Variants in TDRD5 observed in about 807,000 individuals in gnomAD.
The protein encoded by TDRD5 is tudor domain containing 5, also known as tudor domain-containing protein 5.
In TDRD5, 41 loss-of-function variants were observed where a neutral mutation model predicts 120.6. The ratio of observed to expected loss-of-function variants is 0.34; its 90% CI spans 0.26 to 0.44. TDRD5 has a LOEUF of 0.44. Ranked by LOEUF, TDRD5 falls within the 20% of genes least tolerant of loss-of-function variation. The pLI is 1.00. For synonymous variants in TDRD5, 430 were observed against 433.7 expected (o/e 0.99, Z 0.11); for missense variants, 1,006 against 1,221.2 (o/e 0.82, Z 2.63).
At chr1:179,654,725 G>A (rs936081290) in intron 14 of TDRD5, among the ~76,000 whole-genome samples, 1 of 152,198 alleles carries the variant, frequency 6.6e-6, no homozygotes, top group Admixed American at 6.5e-5. Flanking sequence ...CTGAGATCGT[G>A]CCACTGTACT....
At chr1:179,595,915 T>C in intron 4 of TDRD5, 97 bp downstream of exon 4, 1 of 1,232,578 alleles carries the variant, frequency 8.1e-7, no homozygotes, top group Non-Finnish European at 1.1e-6. Flanking sequence ...TTTTAAAAAC[T>C]GAAGTCATTC....
At chr1:179,620,642 A>C (rs1296089722) in intron 5 of TDRD5, among the ~76,000 whole-genome samples, 1 of 152,144 alleles carries the variant, frequency 6.6e-6, no homozygotes, top group African/African-American at 2.4e-5. Context: ...ATTTTTGCTT[A>C]ACTGTATTTT....
At chr1:179,656,316 A>C (rs756720604) in intron 14 of TDRD5, among the ~76,000 whole-genome samples, 4 of 152,094 alleles carry the variant, frequency 2.6e-5, no homozygotes, top group African/African-American at 9.7e-5. Context: ...AGTTCTTTAT[A>C]TATTCAGGAT....
intron 17 of TDRD5, among the ~76,000 whole-genome samples, chr1:179,687,614 C>T (rs925427907): frequency 3.3e-5 from 5 of 152,088 alleles, no homozygotes; most frequent in African/African-American, 1.2e-4. Context: ...CTTTCTGTCT[C>T]ATTGATCTGT....
At chr1:179,661,110 C>A (rs963851869) in intron 14 of TDRD5, among the ~76,000 whole-genome samples, 2 of 151,990 alleles carry the variant, frequency 1.3e-5, no homozygotes, top group South Asian at 2.1e-4. Context: ...CAAGATAGTT[C>A]TTTGTCTTTA....
intron 7 of TDRD5, among the ~76,000 whole-genome samples, chr1:179,633,671 A>G (rs1259499325): frequency 1.3e-5 from 2 of 151,974 alleles, no homozygotes; most frequent in Non-Finnish European, 2.9e-5. Flanking sequence ...TTAATGTGCC[A>G]ACCTCTTGTA....
At chr1:179,672,356 C>G (rs1234632071) in intron 17 of TDRD5, among the ~76,000 whole-genome samples, 4 of 152,064 alleles carry the variant, frequency 2.6e-5, no homozygotes, top group Non-Finnish European at 4.4e-5. Flanking sequence ...TTGCATTTCC[C>G]TGATAATTAG....
intron 6 of TDRD5, among the ~76,000 whole-genome samples, chr1:179,624,229 C>T (rs188356397): frequency 6.6e-6 from 1 of 152,072 alleles, no homozygotes; most frequent in African/African-American, 2.4e-5. Flanking sequence ...AAATTTAATA[C>T]CCATCCACAA....
At chr1:179,593,418 A>G (rs1020603093) in intron 2 of TDRD5, 42 bp from the exon 3 acceptor site, 1 of 1,577,098 alleles carries the variant, frequency 6.3e-7, no homozygotes, top group Non-Finnish European at 8.6e-7. Context: ...AGAAGGGAGT[A>G]AGTTTTCCTC....
At chr1:179,652,367 C>A (rs1678769451) in intron 13 of TDRD5, among the ~76,000 whole-genome samples, 170 bp downstream of exon 13, 1 of 152,058 alleles carries the variant, frequency 6.6e-6, no homozygotes, top group African/African-American at 2.4e-5. Context: ...TTCAGTCATG[C>A]CTCTTCCTGA....
At chr1:179,602,129 T>G (rs911074570) in intron 4 of TDRD5, among the ~76,000 whole-genome samples, 3 of 152,186 alleles carry the variant, frequency 2.0e-5, no homozygotes, top group African/African-American at 7.2e-5. Context: ...TTAAGGAATC[T>G]CCACAGTGTT....
chr1:179,632,630 C>T (rs1383237806), intron 7 of TDRD5, among the ~76,000 whole-genome samples: 2 of 152,076 alleles, frequency 1.3e-5, no homozygotes, highest in African/African-American at 2.4e-5. Context: ...ACAAAAGCTG[C>T]ACATGCTTGT....
chr1:179,651,899 C>T (rs757311035), intron 12 of TDRD5, 140 bp from the exon 13 acceptor site: 16 of 952,384 alleles, frequency 1.7e-5, no homozygotes, highest in Admixed American at 5.7e-5. Context: ...GGCAACAGAG[C>T]GAGACTCCAT....
In TDRD5 at chr1:179,634,587, G is replaced by A. The variant is rs533434778; in HGVS notation, c.1257G>A (p.Lys419=). The A allele has an allele frequency of 1.1e-5, 18 of 1,613,894 alleles. No individual in the cohort carries two copies. The African/African-American group carries it at 2.3e-4, about 20-fold the overall frequency. Residue 419 remains lysine (K), a synonymous_variant, in exon 8 of 18, where the codon AAG becomes AAA. Coordinates refer to ENST00000444136, the MANE Select transcript of TDRD5 (RefSeq NM_001199085.3). Reference sequence around the variant, plus strand: ...AAAAACAAAAAGAGCCACAACAGAAGATTTGCAAGAAGCCTAATCTGGTGG... The same window carrying A: ...AAAAACAAAAAGAGCCACAACAGAAAATTTGCAAGAAGCCTAATCTGGTGG... ...PSKKQKEPQQ[K]ICKKPNLVVK...
At chr1:179,603,932 G>T (rs1675841632) in intron 4 of TDRD5, among the ~76,000 whole-genome samples, 1 of 152,088 alleles carries the variant, frequency 6.6e-6, no homozygotes, top group Non-Finnish European at 1.5e-5. Flanking sequence ...CTAGCTTGTG[G>T]AATAGTGTCA....
chr1:179,619,908 A>AT lies in TDRD5; in HGVS notation c.916-1120dup, dbSNP rs905388877. ...GGCTGGGATTACAAGAGTGAATATG[A>AT]TTTTTTTGTGGTACCAAAAATTGGA... On this transcript the variant is annotated intron_variant, in intron 5 of 17. Coordinates refer to ENST00000444136, the MANE Select transcript of TDRD5 (RefSeq NM_001199085.3). Among the ~76,000 whole-genome samples, 12 of 152,264 alleles carry AT rather than the reference A, an allele frequency of 7.9e-5. 1 individual carries two copies. The South Asian group carries it at 2.1e-3, about 26-fold the overall frequency.
rs1404134689 is a variant in TDRD5 at position 179,669,323 on chromosome 1, C to G, written c.2779C>G (p.Pro927Ala). The G allele has an allele frequency of 6.2e-7, 1 of 1,614,136 alleles. No individual in the cohort carries two copies. Among genetic ancestry groups the G allele is most frequent in the Non-Finnish European group, 8.5e-7 (1 of 1,180,040 alleles). The change falls in exon 17 of 18, where the codon CCA becomes GCA. Residue 927 changes from proline (P) to alanine (A), a missense_variant. Physicochemically the swap from Pro to Ala is conservative, Grantham distance 27. Around this residue, in one of 3 missense-constraint regions of TDRD5, gnomAD observed 403 missense variants for 448.1 expected, o/e 0.90. Transcript: ENST00000444136. ...QSEPNNSQTQPKQIQLSTAAP... is the reference protein window; with the variant it reads ...QSEPNNSQTQAKQIQLSTAAP... ...TGAACCCAACAACAGTCAGACTCAG[C>G]CAAAGCAAATTCAGCTTTCCACAGC...
intron 17 of TDRD5, among the ~76,000 whole-genome samples, chr1:179,680,303 AG>A (rs754062874): frequency 2.8e-4 from 42 of 152,226 alleles, no homozygotes; most frequent in Non-Finnish European, 5.4e-4. Context: ...CATAATATCA[AG>A]TCAAGGTGAT....
intron 11 of TDRD5, among the ~76,000 whole-genome samples, chr1:179,648,717 C>T (rs1379078202): frequency 6.6e-6 from 1 of 151,402 alleles, no homozygotes; most frequent in Non-Finnish European, 1.5e-5. Flanking sequence ...CTTAAATATG[C>T]AGGAAGTCAT....
Sources: gnomAD v4.1 joint callset for allele counts (sites outside exome capture counted in the v4.1 genomes callset) on GRCh38, gnomAD v4.1.1 for gene constraint, gnomAD v4.1.1 regional missense constraint, MANE v1.5 for transcripts, NCBI Gene and HGNC (gene_info 2026-07-23, HGNC 2026-07-21) for gene names.